C16orf87: variants seen among roughly 807,000 people sequenced by gnomAD.
C16orf87 encodes the protein UPF0547 protein C16orf87.
C16orf87 carries 13 observed loss-of-function variants against 21.0 expected under a neutral mutation model. The observed-to-expected ratio is 0.62, with a 90% CI of 0.40 to 0.98. C16orf87 has a LOEUF of 0.98. C16orf87 is among the 50% of genes least tolerant of loss of function. The pLI, the probability that C16orf87 is intolerant of heterozygous loss-of-function variation, is 0.00. For missense variants in C16orf87, 113 were observed against 180.4 expected, an observed-to-expected ratio of 0.63 and a Z score of 2.14; for synonymous variants, 49 against 60.2, an observed-to-expected ratio of 0.81 and a Z score of 0.86.
At chr16:46,820,994 T>C (rs756015776) in intron 2 of C16orf87, among the ~76,000 whole-genome samples, 19 of 152,242 alleles carry the variant, frequency 1.2e-4, no homozygotes, top group Non-Finnish European at 2.8e-4. Flanking sequence ...CTATTAATTC[T>C]CCACTACTTT....
chr16:46,800,676 T>G lies in C16orf87; in HGVS notation c.*2276A>C, dbSNP rs1409730497. ...ACTATAATTATACTCTTAGGACATC[T>G]GCTGATGACAGAGGTTTCTCTGACA... is the stretch of plus-strand genomic sequence containing the variant. On this transcript the variant is annotated 3_prime_UTR_variant, in exon 4 of 4. Coordinates refer to ENST00000285697, the MANE Select transcript of C16orf87 (RefSeq NM_001001436.4). 2 of 152,338 alleles carry G rather than the reference T, an allele frequency of 1.3e-5. No individual in the cohort carries two copies. The highest frequency in any genetic ancestry group is 3.9e-4 in the East Asian group (2 of 5,194). 9.4% of individuals were successfully genotyped at this position (152,338 alleles called of 1,614,324 possible). A position where few individuals can be genotyped will look rare whatever the true frequency, so the allele number is the denominator to read the frequency against.
At chr16:46,830,402 G>C (rs539113596) in intron 1 of C16orf87, among the ~76,000 whole-genome samples, 24 of 152,126 alleles carry the variant, frequency 1.6e-4, no homozygotes, top group African/African-American at 5.1e-4. Context: ...GGGGAAGTTA[G>C]GAGCGCCCAA....
chr16:46,820,897 A>T (rs1333946224), intron 2 of C16orf87, among the ~76,000 whole-genome samples: 1 of 152,250 alleles, frequency 6.6e-6, no homozygotes, highest in East Asian at 1.9e-4. Context: ...GTGGGCAAAA[A>T]GAATGGCATT....
rs969812360 is a variant in C16orf87 at position 46,796,947 on chromosome 16, A to T, written c.*6005T>A. 1 of 152,242 alleles carries T rather than the reference A, an allele frequency of 6.6e-6. No homozygotes were observed. The highest frequency in any genetic ancestry group is 1.5e-5 in the Non-Finnish European group (1 of 68,034). 9.4% of individuals were successfully genotyped at this position (152,242 alleles called of 1,614,324 possible). On this transcript the variant is annotated 3_prime_UTR_variant, in exon 4 of 4. Transcript: ENST00000285697. Reference sequence around the variant, plus strand: ...AATCAAACCAATAAAAACCAAAGACAAAGATTCCTGAAAATACTCAGAGAA... The same window carrying T: ...AATCAAACCAATAAAAACCAAAGACTAAGATTCCTGAAAATACTCAGAGAA...
intron 1 of C16orf87, among the ~76,000 whole-genome samples, chr16:46,828,618 G>A (rs1959720230): frequency 1.3e-5 from 2 of 152,190 alleles, no homozygotes; most frequent in African/African-American, 4.8e-5. Flanking sequence ...CTTCTTTGCT[G>A]ATCTCTGTAC....
At chr16:46,811,049 C>T (rs1423308971) in intron 2 of C16orf87, among the ~76,000 whole-genome samples, 2 of 152,202 alleles carry the variant, frequency 1.3e-5, no homozygotes, top group Non-Finnish European at 2.9e-5. Flanking sequence ...TCTATTTAAA[C>T]TGTGCTACTC....
At chr16:46,830,804 G>A (rs1178314966) in intron 1 of C16orf87, 3 of 303,778 alleles carry the variant, frequency 9.9e-6, no homozygotes, top group African/African-American at 2.2e-5. Context: ...ACAGCCGCCC[G>A]GTGAGCCCAC....
intron 1 of C16orf87, among the ~76,000 whole-genome samples, chr16:46,828,964 C>T (rs891560670): frequency 6.6e-6 from 1 of 152,070 alleles, no homozygotes; most frequent in Non-Finnish European, 1.5e-5. Context: ...AAGGACAAAA[C>T]AAACCAACTC....
intron 2 of C16orf87, among the ~76,000 whole-genome samples, chr16:46,813,530 C>T (rs979830120): frequency 6.6e-5 from 10 of 150,830 alleles, no homozygotes; most frequent in African/African-American, 2.4e-4. Flanking sequence ...TAAAGCCTTT[C>T]ATAAGCTTTT....
intron 2 of C16orf87, among the ~76,000 whole-genome samples, chr16:46,819,332 C>T (rs1029929268): frequency 2.6e-5 from 4 of 152,042 alleles, no homozygotes; most frequent in South Asian, 4.2e-4. Context: ...GTGAACTGCT[C>T]GCCTTGGCCT....
At chr16:46,820,627 T>C (rs532205577) in intron 2 of C16orf87, among the ~76,000 whole-genome samples, 1 of 152,360 alleles carries the variant, frequency 6.6e-6, no homozygotes, top group African/African-American at 2.4e-5. Flanking sequence ...ACTAACAACC[T>C]TCTGCTATTA....
At chr16:46,813,664 T>C (rs1050917038) in intron 2 of C16orf87, among the ~76,000 whole-genome samples, 1 of 152,170 alleles carries the variant, frequency 6.6e-6, no homozygotes, top group Non-Finnish European at 1.5e-5. Flanking sequence ...CAGACGTGCC[T>C]TTCTTTTAAT....
At chr16:46,807,272 T>C (rs1378042595) in intron 3 of C16orf87, among the ~76,000 whole-genome samples, 1 of 151,822 alleles carries the variant, frequency 6.6e-6, no homozygotes, top group Admixed American at 6.6e-5. Context: ...GAGACCTCAT[T>C]TATACTAAAA....
chr16:46,804,924 A>G, intron 3 of C16orf87, among the ~76,000 whole-genome samples: 1 of 152,232 alleles, frequency 6.6e-6, no homozygotes, highest in Non-Finnish European at 1.5e-5. Flanking sequence ...GATGCTAGTC[A>G]TATATCAGTA....
chr16:46,809,632 G>A lies in C16orf87; in HGVS notation c.317C>T (p.Ala106Val). 6.2e-7 allele frequency: 1 copy of A among 1,604,294 alleles called. No individual in the cohort carries two copies. The highest frequency in any genetic ancestry group is 1.1e-5 in the South Asian group (1 of 89,320). Residue 106 changes from alanine to valine, a missense_variant, in exon 3 of 4, where the codon GCA becomes GTA. By Grantham distance (64) the Ala-to-Val change is moderately conservative (BLOSUM62 0). Transcript: ENST00000285697. ...IRRGRGRPKS[A>V]SAKKHEEERE... Reference sequence around the variant, plus strand: ...TTCTTCCTCATGTTTTTTGGCAGATGCACTTTTAGGTCTTCCTCTTCCTCG... The same window carrying A: ...TTCTTCCTCATGTTTTTTGGCAGATACACTTTTAGGTCTTCCTCTTCCTCG...
chr16:46,811,180 C>T lies in C16orf87; in HGVS notation c.164-1395G>A, dbSNP rs1310006158. ...TGCAATGAACTAAAGGTTCTAAGCA[C>T]TAAACATCAGCAGGTACTAACATCA... On this transcript the variant is annotated intron_variant, in intron 2 of 3. Transcript: ENST00000285697. 2.6e-5 allele frequency among the ~76,000 whole-genome samples: 4 copies of T among 152,122 alleles called. No homozygotes were observed. The East Asian group carries it at 7.7e-4, about 29-fold the overall frequency.
At chr16:46,822,709 CTTAG>C (rs1032235609) in intron 2 of C16orf87, among the ~76,000 whole-genome samples, 8 of 152,168 alleles carry the variant, frequency 5.3e-5, no homozygotes, top group Non-Finnish European at 1.5e-5. Context: ...ACTCAGTATT[CTTAG>C]TTAGCCTACT....
chr16:46,815,086 A>C (rs1968200523), intron 2 of C16orf87, among the ~76,000 whole-genome samples: 1 of 152,190 alleles, frequency 6.6e-6, no homozygotes, highest in Non-Finnish European at 1.5e-5. Context: ...CAGTCAAAGG[A>C]TTTTCAATAA....
intron 1 of C16orf87, 37 bp downstream of exon 1, chr16:46,831,047 C>G (rs1409491557): frequency 1.3e-6 from 2 of 1,540,862 alleles, no homozygotes; most frequent in East Asian, 5.2e-5. Context: ...CGCCAAGCCA[C>G]TGCCGCCCGC....
Sources: gnomAD v4.1 joint callset for allele counts (sites outside exome capture counted in the v4.1 genomes callset) on GRCh38, gnomAD v4.1.1 for gene constraint, MANE v1.5 for transcripts, NCBI Gene and HGNC (gene_info 2026-07-23, HGNC 2026-07-21) for gene names.